Variants in IL5 observed in about 807,000 individuals in gnomAD.
IL5 encodes interleukin-5.
IL5 carries 12 observed loss-of-function variants against 16.3 expected under a neutral mutation model. The ratio of observed to expected loss-of-function variants is 0.74; its 90% CI spans 0.47 to 1.20. IL5 has a LOEUF of 1.20. Ranked by LOEUF, IL5 falls within the 50% of genes most tolerant of loss-of-function variation. The probability of loss-of-function intolerance (pLI) is 0.00; values close to 1 mark genes in which losing one functional copy is unlikely to be tolerated. For synonymous variants in IL5, 54 were observed against 56.6 expected (o/e 0.95, Z 0.21); for missense variants, 159 against 153.9 (o/e 1.03, Z -0.17).
At chr5:132,549,306 G>A (rs1354572059) in intron 1 of IL5, among the ~76,000 whole-genome samples, 3 of 151,968 alleles carry the variant, frequency 2.0e-5, no homozygotes, top group South Asian at 2.1e-4. Context: ...CGCCCGCCTC[G>A]GCCTCCCAAA....
In IL5 at chr5:132,543,510, A is replaced by G. The variant is rs751637795; in HGVS notation, c.-32T>C. 1 of 1,610,102 alleles carries G rather than the reference A, an allele frequency of 6.2e-7. No homozygotes were observed. The highest frequency in any genetic ancestry group is 8.5e-7 in the Non-Finnish European group (1 of 1,178,310). ...GAAACGTTCTGCGTTTGCCTTTGGC[A>G]AAGAAAGTGCATAGTACAAGACTGC... On this transcript the variant is annotated 5_prime_UTR_variant, in exon 1 of 4. Transcript: ENST00000231454.
upstream of IL5, among the ~76,000 whole-genome samples, chr5:132,545,901 G>A (rs1749776415): frequency 6.6e-6 from 1 of 152,048 alleles, no homozygotes; most frequent in African/African-American, 2.4e-5. Flanking sequence ...GCCTGCGCAA[G>A]AGAGTGAGAC....
At chr5:132,542,343 A>T (rs1749711213) in intron 2 of IL5, among the ~76,000 whole-genome samples, 200 bp from the exon 3 acceptor site, 1 of 152,232 alleles carries the variant, frequency 6.6e-6, no homozygotes, top group Admixed American at 6.5e-5. Context: ...TGTGGTATTT[A>T]CATGAGTTCC....
chr5:132,544,642 C>T (rs1749755884), upstream of IL5, among the ~76,000 whole-genome samples: 1 of 152,202 alleles, frequency 6.6e-6, no homozygotes, highest in Non-Finnish European at 1.5e-5. Context: ...AGGCCCCCTC[C>T]TAGATCACAC....
At chr5:132,547,012 C>T (rs907973420), upstream of IL5, among the ~76,000 whole-genome samples, 7 of 151,950 alleles carry the variant, frequency 4.6e-5, no homozygotes, top group Non-Finnish European at 7.4e-5. Context: ...GGCAACAGAG[C>T]GAGACTCCAT....
chr5:132,555,618 C>T (rs926785887), intron 1 of IL5, among the ~76,000 whole-genome samples: 8 of 152,190 alleles, frequency 5.3e-5, no homozygotes, highest in Non-Finnish European at 1.0e-4. Context: ...CGGGTTCATG[C>T]CATACTCCTG....
At chr5:132,545,560 G>A (rs1749769914), upstream of IL5, among the ~76,000 whole-genome samples, 1 of 152,138 alleles carries the variant, frequency 6.6e-6, no homozygotes. Flanking sequence ...AGCCCAGGCA[G>A]TGGATCCCTT....
chr5:132,551,689 T>C lies in IL5; in HGVS notation c.42+4985A>G, dbSNP rs568039208. 1.0e-3 allele frequency among the ~76,000 whole-genome samples: 155 copies of C among 152,362 alleles called. 1 individual carries two copies. The highest frequency in any genetic ancestry group is 3.4e-3 in the Middle Eastern group (1 of 294). On this transcript the variant is annotated intron_variant, in intron 1 of 2. Coordinates refer to the IL5 transcript ENST00000450655. ...TGGAATAGTTGGGCAAATACTTATT[T>C]TACTTGCTTTTATGAATCTTTCTTA...
intron 1 of IL5, chr5:132,556,599 A>C (rs1010549650): frequency 2.0e-5 from 19 of 966,604 alleles, no homozygotes; most frequent in Non-Finnish European, 2.5e-5. Context: ...ATGTTATGTG[A>C]TCACTGGAAA....
chr5:132,552,672 T>C, intron 1 of IL5, among the ~76,000 whole-genome samples: 1 of 152,176 alleles, frequency 6.6e-6, no homozygotes, highest in Non-Finnish European at 1.5e-5. Context: ...TCCATATGCA[T>C]CTCAAAAAAG....
chr5:132,554,228 G>A (rs1028281622), intron 1 of IL5, among the ~76,000 whole-genome samples: 1 of 151,912 alleles, frequency 6.6e-6, no homozygotes, highest in Non-Finnish European at 1.5e-5. Context: ...TTAGCCAGGT[G>A]TGGTGCCACG....
chr5:132,554,054 G>T (rs1053291982), intron 1 of IL5, among the ~76,000 whole-genome samples: 4 of 150,472 alleles, frequency 2.7e-5, no homozygotes, highest in African/African-American at 9.8e-5. Flanking sequence ...TGTTAATTAT[G>T]CTTCAATAAA....
upstream of IL5, among the ~76,000 whole-genome samples, chr5:132,547,303 C>T (rs964377518): frequency 8.5e-5 from 13 of 152,326 alleles, no homozygotes; most frequent in East Asian, 2.3e-3. Flanking sequence ...AGTGAAACAT[C>T]ATGTTAACAG....
intron 1 of IL5, among the ~76,000 whole-genome samples, chr5:132,548,917 C>T (rs2149825743): frequency 6.6e-6 from 1 of 152,158 alleles, no homozygotes; most frequent in Non-Finnish European, 1.5e-5. Context: ...CAGAAATATG[C>T]CATAGGAATG....
intron 1 of IL5, among the ~76,000 whole-genome samples, chr5:132,551,789 G>A (rs1460499157): frequency 6.6e-6 from 1 of 152,028 alleles, no homozygotes; most frequent in Non-Finnish European, 1.5e-5. Context: ...TTATAAGTTT[G>A]ATGATATTTT....
chr5:132,550,223 A>T (rs1208002398), intron 1 of IL5, among the ~76,000 whole-genome samples: 1 of 152,220 alleles, frequency 6.6e-6, no homozygotes, highest in Admixed American at 6.5e-5. Flanking sequence ...GTAAAATTTT[A>T]AAAATTTTCC....
At chr5:132,545,401 C>G (rs1749767542), upstream of IL5, among the ~76,000 whole-genome samples, 1 of 152,050 alleles carries the variant, frequency 6.6e-6, no homozygotes, top group Non-Finnish European at 1.5e-5. Flanking sequence ...GCTTGTAATC[C>G]CAGCACTTTG....
chr5:132,552,622 T>C (rs1039838617), intron 1 of IL5, among the ~76,000 whole-genome samples: 7 of 152,242 alleles, frequency 4.6e-5, no homozygotes, highest in Non-Finnish European at 8.8e-5. Context: ...TTCTGAAGTA[T>C]TTTAAATTAC....
chr5:132,550,598 A>G (rs971356369), intron 1 of IL5, among the ~76,000 whole-genome samples: 3 of 148,072 alleles, frequency 2.0e-5, no homozygotes, highest in Non-Finnish European at 4.5e-5. Context: ...CTGGGATTAC[A>G]GGTGTGAGCC....
Sources: allele counts gnomAD v4.1 joint callset (sites outside exome capture counted in the v4.1 genomes callset), GRCh38; gene constraint gnomAD v4.1.1; transcripts MANE v1.5; gene names NCBI Gene and HGNC (gene_info 2026-07-23, HGNC 2026-07-21).